The following KIF6 variants were observed in gnomAD, a reference collection of about 807,000 sequenced individuals.
KIF6 encodes the protein kinesin-like protein KIF6.
A neutral mutation model predicts 112.7 loss-of-function variants in KIF6; 106 were observed. The ratio of observed to expected loss-of-function variants is 0.94; its 90% CI spans 0.80 to 1.11. The LOEUF (loss-of-function observed/expected upper bound fraction) is 1.11. Ranked by LOEUF, KIF6 falls within the 50% of genes least tolerant of loss-of-function variation. The pLI is 0.00. For synonymous variants in KIF6, 339 were observed against 339.9 expected (o/e 1.00, Z 0.03); for missense variants, 929 against 964.0 (o/e 0.96, Z 0.48).
Position 39,378,373 on chromosome 6 carries a change from C to T in KIF6, c.1861+7249G>A, listed in dbSNP as rs1219330726. Among the ~76,000 whole-genome samples, 1 of 151,980 alleles carries T rather than the reference C, an allele frequency of 6.6e-6. No homozygotes were observed. Among genetic ancestry groups the T allele is most frequent in the African/African-American group, 2.4e-5 (1 of 41,390 alleles). On this transcript the variant is annotated intron_variant, in intron 16 of 22. Coordinates refer to ENST00000287152, the MANE Select transcript of KIF6 (RefSeq NM_145027.6). This position sits in a 1 kb window ranked among gnomAD's most constrained non-coding sequence, Gnocchi z 5.0. ...ACACACATACCACGTGCCACATATA[C>T]ATACAATACATACAACATACCCACA...
intron 15 of KIF6, among the ~76,000 whole-genome samples, chr6:39,391,922 T>C (rs1581750299): frequency 1.3e-5 from 2 of 152,288 alleles, no homozygotes; most frequent in Middle Eastern, 3.4e-3. Context: ...TGTATACATA[T>C]GCATGTATGT....
chr6:39,397,276 C>G (rs1043219988), intron 15 of KIF6, among the ~76,000 whole-genome samples: 1 of 152,160 alleles, frequency 6.6e-6, no homozygotes, highest in Non-Finnish European at 1.5e-5. Context: ...AAGTAAATGA[C>G]TTTTTAAAAA....
At chr6:39,477,587 G>A (rs1774510285) in intron 13 of KIF6, among the ~76,000 whole-genome samples, 1 of 152,214 alleles carries the variant, frequency 6.6e-6, no homozygotes, top group African/African-American at 2.4e-5. Context: ...TATTGGCTGG[G>A]TGCGGTGGCT....
At chr6:39,561,245 T>C (rs1337687401) in intron 10 of KIF6, among the ~76,000 whole-genome samples, 1 of 152,216 alleles carries the variant, frequency 6.6e-6, no homozygotes, top group African/African-American at 2.4e-5. Flanking sequence ...ACACACTAAA[T>C]TATTACAAAT....
chr6:39,488,516 G>A (rs1357584621), intron 13 of KIF6, among the ~76,000 whole-genome samples: 1 of 152,154 alleles, frequency 6.6e-6, no homozygotes, highest in East Asian at 1.9e-4. Context: ...CTAGGAGCCT[G>A]GGTTAGGTCT....
At chr6:39,577,865 G>A (rs1781056298) in intron 10 of KIF6, among the ~76,000 whole-genome samples, 191 bp downstream of exon 10, 3 of 152,122 alleles carry the variant, frequency 2.0e-5, no homozygotes, top group Admixed American at 6.6e-5. Context: ...AAGCTGAGGC[G>A]GCAAAAACAC....
At chr6:39,671,432 C>T (rs1313672497) in intron 3 of KIF6, among the ~76,000 whole-genome samples, 1 of 152,176 alleles carries the variant, frequency 6.6e-6, no homozygotes, top group African/African-American at 2.4e-5. Flanking sequence ...TAGTTATCTC[C>T]GTGAGGGTAT....
chr6:39,670,901 G>C (rs1786778443), intron 3 of KIF6, among the ~76,000 whole-genome samples: 1 of 152,178 alleles, frequency 6.6e-6, no homozygotes, highest in Non-Finnish European at 1.5e-5. Flanking sequence ...CACACCTGTA[G>C]TTCATTAGTA....
At chr6:39,432,030 ACT>A (rs1771195470) in intron 13 of KIF6, among the ~76,000 whole-genome samples, 1 of 151,056 alleles carries the variant, frequency 6.6e-6, no homozygotes, top group Non-Finnish European at 1.5e-5. Context: ...TCCTCCAGTA[ACT>A]CTACCTCCGT....
chr6:39,430,202 C>T (rs867074393), intron 14 of KIF6, among the ~76,000 whole-genome samples: 4 of 152,138 alleles, frequency 2.6e-5, no homozygotes, highest in South Asian at 2.1e-4. Context: ...TTTCTCTCTA[C>T]CTTCCCTTCA....
At chr6:39,590,281 T>G (rs1781860886) in intron 7 of KIF6, among the ~76,000 whole-genome samples, 1 of 152,082 alleles carries the variant, frequency 6.6e-6, no homozygotes, top group South Asian at 2.1e-4. Context: ...AGTTCTTATA[T>G]AAAACAAATT....
chr6:39,349,656 T>G (rs1356505508), intron 19 of KIF6, among the ~76,000 whole-genome samples: 15 of 102,718 alleles, frequency 1.5e-4, no homozygotes, highest in African/African-American at 5.6e-4. Context: ...TTTTTTTTTT[T>G]TTTTTGAGAC....
intron 13 of KIF6, among the ~76,000 whole-genome samples, chr6:39,450,358 G>T (rs1227172733): frequency 6.6e-6 from 1 of 152,196 alleles, no homozygotes. Flanking sequence ...AGCTCAGAGA[G>T]GGATATAGTC....
chr6:39,588,291 G>C (rs1781744844), intron 7 of KIF6, among the ~76,000 whole-genome samples: 2 of 152,130 alleles, frequency 1.3e-5, no homozygotes, highest in Admixed American at 6.5e-5. Context: ...TCAGCTCACT[G>C]TAGCCTTTGC....
At position 39,715,748 on chromosome 6, in the gene KIF6, T is replaced by C. The variant is rs147712940; in HGVS notation, c.177-982A>G. On this transcript the variant is annotated intron_variant, in intron 2 of 22. Transcript: ENST00000287152. ...TTTTAGAGAAGCAAACAATGAACTA[T>C]ACAAAGAGATAATCTAAGGCACTCT... Among the ~76,000 whole-genome samples the C allele has an allele frequency of 5.7e-3, 869 of 152,256 alleles. 2 individuals are homozygous for C. Among genetic ancestry groups the C allele is most frequent in the Non-Finnish European group, 8.7e-3 (595 of 68,016 alleles).
chr6:39,659,041 ACT>A (rs1785970365), intron 3 of KIF6, among the ~76,000 whole-genome samples: 1 of 152,172 alleles, frequency 6.6e-6, no homozygotes, highest in East Asian at 1.9e-4. Flanking sequence ...GCTCCTAATA[ACT>A]CATTCTAGTA....
intron 18 of KIF6, among the ~76,000 whole-genome samples, chr6:39,358,368 C>A (rs1382498244): frequency 1.3e-5 from 2 of 152,264 alleles, no homozygotes; most frequent in Non-Finnish European, 2.9e-5. Context: ...TGCTCAGGGG[C>A]AGCATGGAAT....
intron 13 of KIF6, among the ~76,000 whole-genome samples, chr6:39,469,952 G>C (rs1190029173): frequency 6.6e-6 from 1 of 152,132 alleles, no homozygotes; most frequent in Non-Finnish European, 1.5e-5. Flanking sequence ...ATGCCAACTA[G>C]ACCTAACAGA....
chr6:39,548,489 A>G (rs748775078), intron 10 of KIF6, among the ~76,000 whole-genome samples: 26 of 152,238 alleles, frequency 1.7e-4, no homozygotes, highest in Non-Finnish European at 3.5e-4. Flanking sequence ...GCCTTTTGAC[A>G]TGCTATTTTG....
Sources: allele counts gnomAD v4.1 joint callset (sites outside exome capture counted in the v4.1 genomes callset), GRCh38; gene constraint gnomAD v4.1.1; non-coding constraint Gnocchi (gnomAD v3.1); transcripts MANE v1.5; gene names NCBI Gene and HGNC (gene_info 2026-07-23, HGNC 2026-07-21).